FLII: variants seen among roughly 807,000 people sequenced by gnomAD.
FLII encodes the protein protein flightless-1 homolog.
FLII carries 101 observed loss-of-function variants against 156.2 expected under a neutral mutation model. The observed-to-expected ratio is 0.65, with a 90% CI of 0.55 to 0.76. The LOEUF is 0.76. FLII is among the 30% of genes least tolerant of loss of function. The pLI is 0.00. For synonymous variants in FLII, 767 were observed against 685.8 expected (o/e 1.12, Z -1.85); for missense variants, 1,675 against 1,682.8 (o/e 1.00, Z 0.08).
At chr17:18,257,123 C>G in intron 1 of FLII, 104 bp from the exon 2 acceptor site, 1 of 661,198 alleles carries the variant, frequency 1.5e-6, no homozygotes, top group Non-Finnish European at 2.7e-6. Context: ...CCAACTCTCA[C>G]CATCTGTGAG....
chr17:18,247,303 G>C lies in FLII; in HGVS notation c.2542C>G (p.Arg848Gly). 6.2e-7 allele frequency: 1 copy of C among 1,611,414 alleles called. No homozygotes were observed. Among genetic ancestry groups the C allele is most frequent in the Non-Finnish European group, 8.5e-7 (1 of 1,179,206 alleles). Residue 848 changes from arginine (R) to glycine (G), a missense_variant, in exon 21 of 30, where the codon CGC becomes GGC. Coordinates refer to ENST00000327031, the MANE Select transcript of FLII (RefSeq NM_002018.4). ...CTCTGCAGCACGGCCTCCGCATTGC[G>C]TGTGTAGTCCACCGTCAACACATCG... ...WDDVLTVDYT[R>G]NAEAVLQSPG... is the part of the protein sequence containing the mutation.
At position 18,249,426 on chromosome 17, in the gene FLII, T is replaced by G; in HGVS notation, c.1777-18A>C. 6.2e-7 allele frequency: 1 copy of G among 1,608,354 alleles called. No homozygotes were observed. Among genetic ancestry groups the G allele is most frequent in the South Asian group, 1.1e-5 (1 of 90,900 alleles). Reference sequence around the variant, plus strand: ...TCAAACACCTGTGTGTGTGAGGGTGTGGTTCTTCATCACTGAGCTGCCCCC... The same window carrying G: ...TCAAACACCTGTGTGTGTGAGGGTGGGGTTCTTCATCACTGAGCTGCCCCC... On this transcript the variant is annotated intron_variant, in intron 14 of 29. Transcript: ENST00000327031.
At chr17:18,247,402 T>C in intron 20 of FLII, 45 bp from the exon 21 acceptor site, 1 of 1,538,788 alleles carries the variant, frequency 6.5e-7, no homozygotes, top group South Asian at 1.2e-5. Context: ...GCGGCATGAT[T>C]AGAGTTGGAG....
intron 21 of FLII, 34 bp downstream of exon 21, chr17:18,247,135 C>CG (rs1255667167): frequency 8.8e-6 from 8 of 912,778 alleles, no homozygotes; most frequent in East Asian, 6.1e-5. Context: ...CCCCCACCCC[C>CG]CCCCCCGCGC....
intron 21 of FLII, 49 bp downstream of exon 21, chr17:18,247,120 C>CCGGGGGGGGGGGGGGGGG: frequency 7.8e-7 from 1 of 1,284,394 alleles, no homozygotes; most frequent in Non-Finnish European, 1.1e-6. Context: ...CCGCCCTCGG[C>CCGGGGGGGGGGGGGGGGG]CTGCCCCCCA....
In FLII at chr17:18,246,395, A is replaced by G. The variant is rs980344277; in HGVS notation, c.3119T>C (p.Ile1040Thr). 1.9e-6 allele frequency: 3 copies of G among 1,613,950 alleles called. No homozygotes were observed. In the East Asian group the frequency reaches 6.7e-5, roughly 36 times the overall value. ...GACCGCCTTCCTCTTGCCCCGGTGG[A>G]TGATGAACTTCCTCTTGAAATGGGA... ...FLSHFKRKFI[I>T]HRGKRKAVQG... The change falls in exon 24 of 30, where the codon ATC (isoleucine) becomes ACC (threonine). Residue 1040 changes from isoleucine to threonine, a missense_variant. By Grantham distance (89) the Ile-to-Thr change is moderately conservative. Coordinates refer to ENST00000327031, the MANE Select transcript of FLII (RefSeq NM_002018.4).
chr17:18,244,864 A>T lies in FLII; in HGVS notation c.*274T>A. ...TTAATATTGAAAATAAAAGCATTTAATATCTCTTAAAGGGCATCCACATCT... is the reference window on the plus strand; with the variant it reads ...TTAATATTGAAAATAAAAGCATTTATTATCTCTTAAAGGGCATCCACATCT... On this transcript the variant is annotated 3_prime_UTR_variant, in exon 30 of 30. Coordinates refer to ENST00000327031, the MANE Select transcript of FLII (RefSeq NM_002018.4). 2.5e-6 allele frequency: 1 copy of T among 404,990 alleles called. No individual in the cohort carries two copies. The highest frequency in any genetic ancestry group is 4.4e-6 in the Non-Finnish European group (1 of 229,542). The allele number at this position is 404,990 out of a possible 1,614,324, so 25.1% of individuals were successfully genotyped here. A position where few individuals can be genotyped will look rare whatever the true frequency, so the allele number is the denominator to read the frequency against.
At chr17:18,252,585 A>G in intron 9 of FLII, 29 bp from the exon 10 acceptor site, 2 of 1,590,440 alleles carry the variant, frequency 1.3e-6, no homozygotes, top group Non-Finnish European at 1.7e-6. Flanking sequence ...CCAGGGCCTC[A>G]GGCAGGTGAC....
Position 18,247,834 on chromosome 17 carries a change from C to CT in FLII, c.2309_2310insA (p.Asp771GlyfsTer106). Reference sequence around the variant, plus strand: ...CCAGAATGTACACGCAGCGCGTGTCCAGCAGACTCTGCAGCTGCGGACCGG... The same window carrying CT: ...CCAGAATGTACACGCAGCGCGTGTCCTAGCAGACTCTGCAGCTGCGGACCGG... On this transcript the variant is annotated frameshift_variant, in exon 20 of 30. Coordinates refer to ENST00000327031, the MANE Select transcript of FLII (RefSeq NM_002018.4). LOFTEE classifies it high-confidence loss of function. The CT allele has an allele frequency of 2.5e-6, 4 of 1,613,832 alleles. No homozygotes were observed. Among genetic ancestry groups the CT allele is most frequent in the Non-Finnish European group, 3.4e-6 (4 of 1,180,006 alleles).
chr17:18,250,744 C>T (rs2048236180), intron 14 of FLII, 94 bp downstream of exon 14: 2 of 1,365,250 alleles, frequency 1.5e-6, no homozygotes, highest in Admixed American at 1.9e-5. Flanking sequence ...TGCCTGCCCA[C>T]CTGTTCTGCC....
In FLII at chr17:18,252,472, C is replaced by T; in HGVS notation, c.1098G>A (p.Glu366=). 6.2e-7 allele frequency: 1 copy of T among 1,613,326 alleles called. No individual in the cohort carries two copies. The highest frequency in any genetic ancestry group is 8.5e-7 in the Non-Finnish European group (1 of 1,179,622). ...CCCTCTCAAACCCAGCATGCCTGAC[C>T]TCGATCTCCGTCAGGAAATGGATGG... ...PEAIHFLTEI[E]VLDVRENPNL... is the part of the protein sequence containing the mutation. Residue 366 remains glutamate (E), a splice_region_variant and synonymous_variant, in exon 10 of 30, where the codon GAG becomes GAA. Coordinates refer to ENST00000327031, the MANE Select transcript of FLII (RefSeq NM_002018.4).
rs1333195794 is a variant in FLII, at chr17:18,247,633, G to A, written c.2487+24C>T. The A allele has an allele frequency of 3.2e-6, 5 of 1,550,740 alleles. No individual in the cohort carries two copies. The South Asian group carries it at 6.0e-5, about 19-fold the overall frequency. On this transcript the variant is annotated intron_variant, in intron 20 of 29. Transcript: ENST00000327031. ...TCAGGGTGCGAAGGATCCTGGGGAG[G>A]GGCCTCCGAAGCTGCAAGCGCACCT... is the stretch of plus-strand genomic sequence containing the variant.
At position 18,248,839 on chromosome 17, in the gene FLII, C is replaced by T. The variant is rs775947670; in HGVS notation, c.1979G>A (p.Arg660Gln). The change falls in exon 17 of 30, where the codon CGG becomes CAG. Residue 660 changes from arginine (R) to glutamine (Q), a missense_variant. By Grantham distance (43) the Arg-to-Gln change is conservative (BLOSUM62 1). Coordinates refer to ENST00000327031, the MANE Select transcript of FLII (RefSeq NM_002018.4). ...GCTGCTCAGTGTGGCCTGGGCCCCC[C>T]GCCATACGTAGATGTCTAGCCCTCG... Reference protein sequence around the residue: ...LDRGLDIYVWRGAQATLSSTT... With the variant: ...LDRGLDIYVWQGAQATLSSTT... The T allele has an allele frequency of 4.7e-5, 76 of 1,613,818 alleles. 1 individual carries two copies. The highest frequency in any genetic ancestry group is 6.3e-5 in the Non-Finnish European group (74 of 1,179,938).
chr17:18,250,859 A>T lies in FLII; in HGVS notation c.1755T>A (p.Asp585Glu). 6.2e-7 allele frequency: 1 copy of T among 1,613,488 alleles called. No individual in the cohort carries two copies. The highest frequency in any genetic ancestry group is 1.1e-5 in the South Asian group (1 of 91,070). Reference sequence around the variant, plus strand: ...GCACCTGCAGGAACTCCTCGCTCTCATCGCCCATCTCCTCCCGGACAGTGC... The same window carrying T: ...GCACCTGCAGGAACTCCTCGCTCTCTTCGCCCATCTCCTCCCGGACAGTGC... Reference protein sequence around the residue: ...ECRTVREEMGDESEEFLQVFD... With the variant: ...ECRTVREEMGEESEEFLQVFD... The change falls in exon 14 of 30, where the codon GAT (aspartate) becomes GAA (glutamate). Residue 585 changes from aspartate (D) to glutamate (E), a missense_variant. Physicochemically the swap from Asp to Glu is conservative, Grantham distance 45 (BLOSUM62 2). Transcript: ENST00000327031.
chr17:18,246,620 C>G lies in FLII; in HGVS notation c.3025G>C (p.Glu1009Gln), dbSNP rs2048066219. Residue 1009 changes from glutamate to glutamine, a missense_variant, in exon 23 of 30, where the codon GAG (glutamate) becomes CAG (glutamine). Physicochemically the swap from Glu to Gln is conservative, Grantham distance 29. Coordinates refer to ENST00000327031, the MANE Select transcript of FLII (RefSeq NM_002018.4). ...TCCAGCTTCCCAGGGAAGAGGCTCT[C>G]GAACTTCTTTTGCAGGCTGAAGGTG... is the stretch of plus-strand genomic sequence containing the variant. ...TFTFSLQKKF[E>Q]SLFPGKLEVV... 3 of 1,614,002 alleles carry G rather than the reference C, an allele frequency of 1.9e-6. No individual in the cohort carries two copies. The highest frequency in any genetic ancestry group is 2.5e-6 in the Non-Finnish European group (3 of 1,179,922).
chr17:18,245,871 G>A lies in FLII; in HGVS notation c.3397-21C>T, dbSNP rs200244752. 17 of 1,613,956 alleles carry A rather than the reference G, an allele frequency of 1.1e-5. No individual in the cohort carries two copies. The East Asian group carries it at 3.6e-4, about 34-fold the overall frequency. ...ATAACCTGCGGGAAAGGCCAGTCCA[G>A]CCCAGGGCCCCTGCCTGCCCTGGCT... On this transcript the variant is annotated intron_variant, in intron 26 of 29. Transcript: ENST00000327031.
At chr17:18,255,980 G>C (rs1303989576) in intron 3 of FLII, among the ~76,000 whole-genome samples, 1 of 152,246 alleles carries the variant, frequency 6.6e-6, no homozygotes, top group Non-Finnish European at 1.5e-5. Context: ...ACATCTCCAG[G>C]GCTCTGACTT....
At chr17:18,248,093 A>G in intron 18 of FLII, 60 bp from the exon 19 acceptor site, 1 of 1,205,180 alleles carries the variant, frequency 8.3e-7, no homozygotes, top group Non-Finnish European at 1.2e-6. Context: ...TCACCCACAC[A>G]GCCCTCTGCT....
chr17:18,253,480 G>A lies in FLII; in HGVS notation c.856-22C>T, dbSNP rs201192652. On this transcript the variant is annotated intron_variant, in intron 8 of 29. Transcript: ENST00000327031. ...CTGACTGGAGGGGGAACGGGCAGGGGTGGGAGGTCAGGGCCAGGCTCACGG... is the reference window on the plus strand; with the variant it reads ...CTGACTGGAGGGGGAACGGGCAGGGATGGGAGGTCAGGGCCAGGCTCACGG... 4.4e-5 allele frequency: 71 copies of A among 1,613,758 alleles called. No individual in the cohort carries two copies. The South Asian group carries it at 4.5e-4, about 10-fold the overall frequency.
Sources: allele counts gnomAD v4.1 joint callset (sites outside exome capture counted in the v4.1 genomes callset), GRCh38; gene constraint gnomAD v4.1.1; transcripts MANE v1.5; gene names NCBI Gene and HGNC (gene_info 2026-07-23, HGNC 2026-07-21).